The following PCDHAC1 variants were observed in gnomAD, a reference collection of about 807,000 sequenced individuals.
The protein encoded by PCDHAC1 is protocadherin alpha subfamily C, 1, also known as protocadherin alpha-C1.
A neutral mutation model predicts 60.0 loss-of-function variants in PCDHAC1; 42 were observed. The observed-to-expected ratio is 0.70, with a 90% confidence interval of 0.55 to 0.90. The LOEUF is 0.90. PCDHAC1 is among the 40% of genes least tolerant of loss of function. PCDHAC1 has a pLI of 0.00. For missense variants in PCDHAC1, 1,160 were observed against 1,222.3 expected, an observed-to-expected ratio of 0.95 and a Z score of 0.76; for synonymous variants, 468 against 499.3, an observed-to-expected ratio of 0.94 and a Z score of 0.84.
chr5:140,989,350 T>G (rs188962457), intron 3 of PCDHAC1, among the ~76,000 whole-genome samples: 17 of 152,274 alleles, frequency 1.1e-4, no homozygotes, highest in African/African-American at 3.9e-4. Context: ...TCAAAGGTGA[T>G]AGGTCACCTG....
At chr5:140,979,350 A>T (rs113796939) in intron 2 of PCDHAC1, among the ~76,000 whole-genome samples, 1,685 of 150,698 alleles carry the variant, frequency 0.011, 22 homozygotes, top group East Asian at 0.044. Flanking sequence ...TGTAATTAAT[A>T]CTCATGCTTT....
intron 3 of PCDHAC1, among the ~76,000 whole-genome samples, chr5:141,004,253 C>G (rs1460798910): frequency 6.6e-6 from 1 of 152,200 alleles, no homozygotes; most frequent in Non-Finnish European, 1.5e-5. Flanking sequence ...TTTTGTTTTA[C>G]TGGAATGAGT....
At chr5:140,967,881 G>A (rs2096193873) in intron 1 of PCDHAC1, 2 of 1,614,034 alleles carry the variant, frequency 1.2e-6, no homozygotes, top group Non-Finnish European at 1.7e-6. Context: ...GACCTGTATA[G>A]CCCAGTGCCT....
intron 1 of PCDHAC1, among the ~76,000 whole-genome samples, chr5:140,945,121 C>T (rs1412218992): frequency 6.6e-6 from 1 of 152,042 alleles, no homozygotes; most frequent in East Asian, 1.9e-4. Context: ...GATAAAAAAT[C>T]AACTTACAAA....
At chr5:140,952,301 T>C (rs246036) in intron 1 of PCDHAC1, among the ~76,000 whole-genome samples, 3 of 149,380 alleles carry the variant, frequency 2.0e-5, no homozygotes. Flanking sequence ...CACAGCCATT[T>C]CACTCCAGCC....
chr5:140,972,589 T>C (rs1258846206), intron 1 of PCDHAC1, among the ~76,000 whole-genome samples: 2 of 152,074 alleles, frequency 1.3e-5, no homozygotes, highest in Non-Finnish European at 2.9e-5. Flanking sequence ...AGAATTTCTC[T>C]TTGGAAATTT....
chr5:140,935,157 A>G (rs982054485), intron 1 of PCDHAC1, among the ~76,000 whole-genome samples: 1 of 152,214 alleles, frequency 6.6e-6, no homozygotes, highest in Non-Finnish European at 1.5e-5. Context: ...TATAATCTCA[A>G]CAACAGGTGT....
intron 3 of PCDHAC1, among the ~76,000 whole-genome samples, chr5:140,989,557 G>A (rs933151682): frequency 6.6e-6 from 1 of 152,166 alleles, no homozygotes; most frequent in Non-Finnish European, 1.5e-5. Context: ...TTTACGTTTT[G>A]TGGCTCCGGC....
intron 1 of PCDHAC1, chr5:140,929,943 A>G (rs996777609): frequency 1.3e-5 from 2 of 152,224 alleles, no homozygotes; most frequent in African/African-American, 4.8e-5. Flanking sequence ...TCTCTAGCCT[A>G]TACTTTTAAT....
At chr5:140,931,189 C>A (rs2087353658) in intron 1 of PCDHAC1, among the ~76,000 whole-genome samples, 1 of 152,112 alleles carries the variant, frequency 6.6e-6, no homozygotes, top group Non-Finnish European at 1.5e-5. Flanking sequence ...GAAATTGGTG[C>A]ACTACAATGC....
rs187844001 is a variant in PCDHAC1 at position 140,981,487 on chromosome 5, T to C, written c.2493-988T>C. On this transcript the variant is annotated intron_variant, in intron 2 of 3. Coordinates refer to ENST00000253807, the MANE Select transcript of PCDHAC1 (RefSeq NM_018898.5). ...TACTTGGGAGGCTGAGGCAGGAGAA[T>C]TGCTTGAACCTGGGAGGCAGAGGTT... Among the ~76,000 whole-genome samples the C allele has an allele frequency of 5.5e-3, 843 of 152,250 alleles. 8 individuals carry two copies. Among genetic ancestry groups the C allele is most frequent in the African/African-American group, 0.019 (806 of 41,542 alleles).
At chr5:140,959,585 C>A (rs1363843588) in intron 1 of PCDHAC1, among the ~76,000 whole-genome samples, 1 of 152,004 alleles carries the variant, frequency 6.6e-6, no homozygotes, top group Non-Finnish European at 1.5e-5. Context: ...TCAATTCTAT[C>A]AGCCAAGTAT....
Position 140,929,233 on chromosome 5 carries a change from C to T in PCDHAC1, c.2341C>T (p.Arg781Ter), listed in dbSNP as rs782744711. The stretch of plus-strand genomic sequence containing the variant: ...TGGGGAGTACAATGCTGCCGACCTG[C>T]GAAATCTTGCCACTGGGGTAGGACT... The part of the protein sequence containing the change: ...LRGEYNAADL[R>*]NLATGVGLNL... Residue 781 changes from arginine (R) to a stop codon, truncating the protein, a stop_gained, in exon 1 of 4, where the codon CGA becomes TGA. Transcript: ENST00000253807. LOFTEE classifies it high-confidence loss of function. The T allele has an allele frequency of 3.1e-6, 5 of 1,613,786 alleles. No homozygotes were observed. Among genetic ancestry groups the T allele is most frequent in the Non-Finnish European group, 8.5e-7 (1 of 1,179,812 alleles).
At position 140,983,424 on chromosome 5, in the gene PCDHAC1, A is replaced by G. The variant is rs115903969; in HGVS notation, c.2581+861A>G. On this transcript the variant is annotated intron_variant, in intron 3 of 3. Transcript: ENST00000253807. ...GGAAGATTAAGTGTTGGTAGAGACC[A>G]CAAATTGTGTCTACTCTAATCCTCT... Among the ~76,000 whole-genome samples, 1,234 of 152,366 alleles carry G rather than the reference A, an allele frequency of 8.1e-3. 22 individuals are homozygous for G. Among genetic ancestry groups the G allele is most frequent in the African/African-American group, 0.028 (1,160 of 41,578 alleles).
At position 140,982,472 on chromosome 5, in the gene PCDHAC1, C is replaced by T; in HGVS notation, c.2493-3C>T. The stretch of plus-strand genomic sequence containing the variant: ...CGTTATCTGGGTCTGTGTGTTTATT[C>T]AGCTCTGTGCACCTAGAGGAGGCTG... On this transcript the variant is annotated splice_polypyrimidine_tract_variant and splice_region_variant and intron_variant, in intron 2 of 3. Transcript: ENST00000253807. The T allele has an allele frequency of 3.1e-6, 5 of 1,614,144 alleles. No individual in the cohort carries two copies. Among genetic ancestry groups the T allele is most frequent in the Non-Finnish European group, 4.2e-6 (5 of 1,180,022 alleles).
intron 3 of PCDHAC1, among the ~76,000 whole-genome samples, chr5:140,991,200 A>C (rs2097437692): frequency 6.6e-6 from 1 of 152,234 alleles, no homozygotes; most frequent in Admixed American, 6.5e-5. Context: ...AATGATGCTC[A>C]ATAAATTTTG....
chr5:140,985,471 G>A (rs926791157), intron 3 of PCDHAC1, among the ~76,000 whole-genome samples: 4 of 152,148 alleles, frequency 2.6e-5, no homozygotes, highest in African/African-American at 9.7e-5. Flanking sequence ...AAAAAATTTG[G>A]TTGTTTCCAG....
Position 140,928,288 on chromosome 5 carries a change from C to G in PCDHAC1, c.1396C>G (p.Arg466Gly). ...CAATGGCCCTGGGGCCTCTCTAGGCCGAGTGTTTGCCCAGGACCCCGACCT... is the reference window on the plus strand; with the variant it reads ...CAATGGCCCTGGGGCCTCTCTAGGCGGAGTGTTTGCCCAGGACCCCGACCT... ...ENNGPGASLG[R>G]VFAQDPDLGK... The change falls in exon 1 of 4, where the codon CGA becomes GGA. Residue 466 changes from arginine (R) to glycine (G), a missense_variant. By Grantham distance (125) the Arg-to-Gly change is moderately radical (BLOSUM62 -2). Coordinates refer to ENST00000253807, the MANE Select transcript of PCDHAC1 (RefSeq NM_018898.5). 2 of 1,614,156 alleles carry G rather than the reference C, an allele frequency of 1.2e-6. No individual in the cohort carries two copies. Among genetic ancestry groups the G allele is most frequent in the Non-Finnish European group, 1.7e-6 (2 of 1,180,040 alleles).
intron 1 of PCDHAC1, chr5:140,966,615 G>C (rs1423136904): frequency 3.9e-6 from 3 of 773,600 alleles, no homozygotes; most frequent in Non-Finnish European, 5.6e-6. Flanking sequence ...GAGGGCCTAC[G>C]GAGGGAGCGG....
Sources: gnomAD v4.1 joint callset for allele counts (sites outside exome capture counted in the v4.1 genomes callset) on GRCh38, gnomAD v4.1.1 for gene constraint, MANE v1.5 for transcripts, NCBI Gene and HGNC (gene_info 2026-07-23, HGNC 2026-07-21) for gene names.